VWA8: variants seen among roughly 807,000 people sequenced by gnomAD.
The protein encoded by VWA8 is von Willebrand factor A domain-containing protein 8.
In VWA8, 221 loss-of-function variants were observed where a neutral mutation model predicts 241.5. The observed-to-expected ratio is 0.91, with a 90% CI of 0.82 to 1.02. VWA8 has a LOEUF of 1.02. Among genes scored for constraint, VWA8 ranks in the 50% least tolerant of loss-of-function variants. VWA8 has a pLI of 0.00. For synonymous variants in VWA8, 852 were observed against 827.1 expected (o/e 1.03, Z -0.52); for missense variants, 2,322 against 2,328.7 (o/e 1.00, Z 0.06).
chr13:41,951,815 C>T (rs537059886), intron 1 of VWA8, among the ~76,000 whole-genome samples: 1 of 152,268 alleles, frequency 6.6e-6, no homozygotes, highest in Non-Finnish European at 1.5e-5. Flanking sequence ...TCAAAATAAT[C>T]CTATGAGACA....
chr13:41,740,398 G>A (rs975611961), intron 21 of VWA8, among the ~76,000 whole-genome samples: 12 of 151,956 alleles, frequency 7.9e-5, no homozygotes, highest in South Asian at 4.1e-4. Context: ...TATTTAATCC[G>A]TCATTAGGAA....
intron 37 of VWA8, among the ~76,000 whole-genome samples, chr13:41,650,749 A>G (rs192618322): frequency 6.6e-6 from 1 of 152,196 alleles, no homozygotes; most frequent in Non-Finnish European, 1.5e-5. Flanking sequence ...ACACATGTCA[A>G]AGTCAGAGAT....
Position 41,882,530 on chromosome 13 carries a change from A to C in VWA8, c.1080+857T>G, listed in dbSNP as rs561326400. ...CTGGGCACCATTGAGCACTGAGTGAACCAGACTCCGTCTGCAATCCCAGCA... is the reference window on the plus strand; with the variant it reads ...CTGGGCACCATTGAGCACTGAGTGACCCAGACTCCGTCTGCAATCCCAGCA... On this transcript the variant is annotated intron_variant, in intron 9 of 44. Coordinates refer to ENST00000379310, the MANE Select transcript of VWA8 (RefSeq NM_015058.2). Among the ~76,000 whole-genome samples, 59 of 152,360 alleles carry C rather than the reference A, an allele frequency of 3.9e-4. 1 individual carries two copies. In the South Asian group the frequency reaches 0.012, roughly 32 times the overall value.
intron 9 of VWA8, among the ~76,000 whole-genome samples, chr13:41,871,551 C>G (rs1224207973): frequency 6.6e-6 from 1 of 151,986 alleles, no homozygotes; most frequent in Admixed American, 6.6e-5. Flanking sequence ...TGAGAATATG[C>G]GGTGTTTGGT....
chr13:41,784,701 T>TACATATACATATACATATACATATAA (rs199525785), intron 18 of VWA8, among the ~76,000 whole-genome samples: 1 of 69,832 alleles, frequency 1.4e-5, no homozygotes, highest in Non-Finnish European at 3.0e-5. Flanking sequence ...CATATACATA[T>TACATATACATATACATATACATATAA]ATATATATAT....
intron 26 of VWA8, among the ~76,000 whole-genome samples, chr13:41,709,769 CTCTT>C (rs1047481809): frequency 2.0e-5 from 3 of 146,878 alleles, no homozygotes; most frequent in Admixed American, 1.4e-4. Flanking sequence ...CTGTCTCTCT[CTCTT>C]TTTTTTTTTT....
At chr13:41,632,752 A>G (rs1241996858) in intron 37 of VWA8, among the ~76,000 whole-genome samples, 1 of 152,152 alleles carries the variant, frequency 6.6e-6, no homozygotes, top group East Asian at 1.9e-4. Context: ...CCATTTCCTC[A>G]AGGCACCTGG....
chr13:41,950,218 T>C (rs1878062482), intron 1 of VWA8, among the ~76,000 whole-genome samples: 1 of 148,678 alleles, frequency 6.7e-6, no homozygotes, highest in African/African-American at 2.4e-5. Context: ...GCAATTCACA[T>C]TTTAAATGTG....
At chr13:41,918,288 A>T (rs1446032146) in intron 2 of VWA8, among the ~76,000 whole-genome samples, 1 of 152,214 alleles carries the variant, frequency 6.6e-6, no homozygotes, top group Admixed American at 6.5e-5. Context: ...AGCTGTTATC[A>T]AAACTAAATC....
chr13:41,855,345 T>C (rs372617954), intron 12 of VWA8, among the ~76,000 whole-genome samples: 4 of 145,182 alleles, frequency 2.8e-5, no homozygotes, highest in Non-Finnish European at 6.0e-5. Flanking sequence ...ATATAATATA[T>C]AAATATATAT....
intron 16 of VWA8, among the ~76,000 whole-genome samples, 175 bp downstream of exon 16, chr13:41,816,523 T>C (rs1201147911): frequency 6.6e-6 from 1 of 152,142 alleles, no homozygotes; most frequent in Non-Finnish European, 1.5e-5. Flanking sequence ...CTGGAAGAGA[T>C]GTTAAAATCA....
At chr13:41,612,439 G>A (rs1486463647) in intron 38 of VWA8, among the ~76,000 whole-genome samples, 2 of 152,156 alleles carry the variant, frequency 1.3e-5, no homozygotes, top group Non-Finnish European at 2.9e-5. Flanking sequence ...TACATATTAC[G>A]TTTTATAACA....
intron 20 of VWA8, among the ~76,000 whole-genome samples, chr13:41,770,071 C>A (rs749081754): frequency 4.6e-5 from 7 of 151,916 alleles, no homozygotes; most frequent in Non-Finnish European, 7.4e-5. Context: ...TTTTCACAGG[C>A]GAAGATGAGA....
At chr13:41,946,885 G>A (rs1174434158) in intron 2 of VWA8, among the ~76,000 whole-genome samples, 3 of 152,108 alleles carry the variant, frequency 2.0e-5, no homozygotes, top group Admixed American at 1.3e-4. Context: ...GCAAAAGAAC[G>A]CCATTAAAAC....
At chr13:41,782,347 T>C (rs1185358967) in intron 19 of VWA8, among the ~76,000 whole-genome samples, 1 of 152,198 alleles carries the variant, frequency 6.6e-6, no homozygotes, top group Non-Finnish European at 1.5e-5. Flanking sequence ...TTGTCTTTTG[T>C]TCTTTGTCTC....
At chr13:41,703,906 G>A (rs2045266598) in intron 26 of VWA8, among the ~76,000 whole-genome samples, 1 of 151,702 alleles carries the variant, frequency 6.6e-6, no homozygotes, top group South Asian at 2.1e-4. Context: ...GCCTTCCTGA[G>A]TAGCTGGGAT....
intron 22 of VWA8, among the ~76,000 whole-genome samples, 183 bp downstream of exon 22, chr13:41,731,897 C>T (rs879602048): frequency 5.3e-5 from 8 of 152,182 alleles, no homozygotes; most frequent in Admixed American, 2.0e-4. Context: ...CCTCCAGAGC[C>T]ACGTAGAACT....
chr13:41,871,200 T>A (rs1052895036), intron 9 of VWA8, among the ~76,000 whole-genome samples: 8 of 152,232 alleles, frequency 5.3e-5, no homozygotes, highest in African/African-American at 1.7e-4. Flanking sequence ...GGTTACTTCC[T>A]AGCAAGAAGT....
chr13:41,571,506 A>G (rs905429887), intron 43 of VWA8, among the ~76,000 whole-genome samples: 1 of 151,840 alleles, frequency 6.6e-6, no homozygotes, highest in African/African-American at 2.4e-5. Context: ...CCGCCGCCAC[A>G]CCTGACTGGT....
Sources: gnomAD v4.1 joint callset for allele counts (sites outside exome capture counted in the v4.1 genomes callset) on GRCh38, gnomAD v4.1.1 for gene constraint, MANE v1.5 for transcripts, NCBI Gene and HGNC (gene_info 2026-07-23, HGNC 2026-07-21) for gene names.